ZNF224: variants seen among roughly 807,000 people sequenced by gnomAD.
ZNF224 encodes bone marrow zinc finger 2.
A neutral mutation model predicts 10.5 loss-of-function variants in ZNF224; 8 were observed. The ratio of observed to expected loss-of-function variants is 0.76; its 90% CI spans 0.45 to 1.37. ZNF224 has a LOEUF of 1.37. Ranked by LOEUF, ZNF224 falls within the 40% of genes most tolerant of loss-of-function variation. ZNF224 has a pLI of 0.00. For missense variants in ZNF224, 754 were observed against 854.0 expected, an observed-to-expected ratio of 0.88 and a Z score of 1.46; for synonymous variants, 282 against 287.8, an observed-to-expected ratio of 0.98 and a Z score of 0.20.
In ZNF224 at chr19:44,108,424, T is replaced by C. The variant is rs905054157; in HGVS notation, c.*140T>C. The stretch of plus-strand genomic sequence containing the variant: ...GAGTATTTTATCTCTGAATCCATGC[T>C]GGTGATAAATTTCACCCATTCTTGG... On this transcript the variant is annotated 3_prime_UTR_variant, in exon 6 of 6. Transcript: ENST00000693561. The C allele has an allele frequency of 8.8e-6, 8 of 908,532 alleles. No homozygotes were observed. The highest frequency in any genetic ancestry group is 1.1e-5 in the Non-Finnish European group (7 of 617,440). 56.3% of individuals were successfully genotyped at this position (908,532 alleles called of 1,614,324 possible).
intron 3 of ZNF224, among the ~76,000 whole-genome samples, chr19:44,099,655 C>T (rs1285228037): frequency 6.6e-6 from 1 of 151,972 alleles, no homozygotes; most frequent in Non-Finnish European, 1.5e-5. Flanking sequence ...GAGCTCAAGA[C>T]CATCCTGGGA....
chr19:44,107,098 A>T lies in ZNF224; in HGVS notation c.938A>T (p.Glu313Val). Reference protein sequence around the residue: ...LNRHSMVHTAEKPFRCDTCDK... With the variant: ...LNRHSMVHTAVKPFRCDTCDK... ...AGGCATTCCATGGTTCACACGGCAG[A>T]GAAACCATTCCGATGTGATACGTGT... Residue 313 changes from glutamate to valine, a missense_variant, in exon 6 of 6, where the codon GAG becomes GTG. Physicochemically the swap from Glu to Val is moderately radical, Grantham distance 121. Coordinates refer to ENST00000693561, the MANE Select transcript of ZNF224 (RefSeq NM_001321645.3). The T allele has an allele frequency of 6.2e-7, 1 of 1,603,080 alleles. No homozygotes were observed. The highest frequency in any genetic ancestry group is 1.7e-4 in the Middle Eastern group (1 of 5,990).
At chr19:44,098,823 C>A (rs1015433135) in intron 3 of ZNF224, among the ~76,000 whole-genome samples, 1 of 152,222 alleles carries the variant, frequency 6.6e-6, no homozygotes. Context: ...AGGTGATCCA[C>A]CTGCCTCGGC....
At chr19:44,098,739 A>C (rs1967491831) in intron 3 of ZNF224, among the ~76,000 whole-genome samples, 1 of 152,028 alleles carries the variant, frequency 6.6e-6, no homozygotes, top group African/African-American at 2.4e-5. Flanking sequence ...ATGCGTCACC[A>C]TGCCTAATTT....
rs1335569716 is a variant in ZNF224, at chr19:44,107,527, A to G, written c.1367A>G (p.Tyr456Cys). The stretch of plus-strand genomic sequence containing the variant: ...CGCGTCCATACAGGAGAGAAACTGT[A>G]TAATTGTAAGGAATGTGGGAAGAGC... The part of the protein sequence containing the change: ...HQRVHTGEKL[Y>C]NCKECGKSFS... The change falls in exon 6 of 6, where the codon TAT becomes TGT. Residue 456 changes from tyrosine (Y) to cysteine (C), a missense_variant. Physicochemically the swap from Tyr to Cys is radical, Grantham distance 194 (BLOSUM62 -2). Coordinates refer to ENST00000693561, the MANE Select transcript of ZNF224 (RefSeq NM_001321645.3). 9 of 1,611,210 alleles carry G rather than the reference A, an allele frequency of 5.6e-6. No homozygotes were observed. The highest frequency in any genetic ancestry group is 1.7e-4 in the Middle Eastern group (1 of 6,058).
At chr19:44,099,507 A>G (rs1423944445) in intron 3 of ZNF224, among the ~76,000 whole-genome samples, 1 of 152,208 alleles carries the variant, frequency 6.6e-6, no homozygotes, top group African/African-American at 2.4e-5. Context: ...GATGTCAATA[A>G]ATATTTGAAA....
intron 3 of ZNF224, among the ~76,000 whole-genome samples, chr19:44,099,174 G>C (rs906990648): frequency 6.6e-6 from 1 of 152,154 alleles, no homozygotes; most frequent in African/African-American, 2.4e-5. Context: ...ATGTCCACAG[G>C]TGGCATCGCT....
chr19:44,107,119 C>G lies in ZNF224; in HGVS notation c.959C>G (p.Thr320Arg). 6.2e-7 allele frequency: 1 copy of G among 1,604,528 alleles called. No individual in the cohort carries two copies. Among genetic ancestry groups the G allele is most frequent in the South Asian group, 1.1e-5 (1 of 89,632 alleles). ...GCAGAGAAACCATTCCGATGTGATACGTGTGATAAGAGCTTTCGTCAGAGA... is the reference window on the plus strand; with the variant it reads ...GCAGAGAAACCATTCCGATGTGATAGGTGTGATAAGAGCTTTCGTCAGAGA... ...HTAEKPFRCD[T>R]CDKSFRQRSA... Residue 320 changes from threonine (T) to arginine (R), a missense_variant, in exon 6 of 6, where the codon ACG (threonine) becomes AGG (arginine). Thr to Arg is a moderately conservative substitution (Grantham distance 71). Coordinates refer to ENST00000693561, the MANE Select transcript of ZNF224 (RefSeq NM_001321645.3).
chr19:44,104,020 A>G (rs1405025066), intron 5 of ZNF224, among the ~76,000 whole-genome samples: 1 of 152,044 alleles, frequency 6.6e-6, no homozygotes, highest in Non-Finnish European at 1.5e-5. Flanking sequence ...ATGAGAGTCT[A>G]ATATCCCCAC....
chr19:44,101,513 C>G (rs904644639), intron 5 of ZNF224, among the ~76,000 whole-genome samples: 4 of 152,154 alleles, frequency 2.6e-5, no homozygotes, highest in African/African-American at 9.7e-5. Context: ...CTTTTAGAGA[C>G]CCTGTGATCT....
chr19:44,107,679 A>C lies in ZNF224; in HGVS notation c.1519A>C (p.Thr507Pro). 1 of 1,614,194 alleles carries C rather than the reference A, an allele frequency of 6.2e-7. No individual in the cohort carries two copies. The highest frequency in any genetic ancestry group is 1.1e-5 in the South Asian group (1 of 91,082). ...SHLHSHQRVH[T>P]GEKPYKCEKC... is the part of the protein sequence containing the mutation. Reference sequence around the variant, plus strand: ...TCTTCATTCCCATCAGAGAGTTCACACTGGAGAAAAGCCATACAAATGTGA... The same window carrying C: ...TCTTCATTCCCATCAGAGAGTTCACCCTGGAGAAAAGCCATACAAATGTGA... Residue 507 changes from threonine to proline, a missense_variant, in exon 6 of 6, where the codon ACT (threonine) becomes CCT (proline). By Grantham distance (38) the Thr-to-Pro change is conservative. Transcript: ENST00000693561.
Position 44,108,371 on chromosome 19 carries a change from A to T in ZNF224, c.*87A>T, listed in dbSNP as rs1177137341. The T allele has an allele frequency of 2.2e-6, 3 of 1,342,166 alleles. No individual in the cohort carries two copies. In the African/African-American group the frequency reaches 4.4e-5, roughly 20 times the overall value. The allele number at this position is 1,342,166 out of a possible 1,614,324, so 83.1% of individuals were successfully genotyped here. On this transcript the variant is annotated 3_prime_UTR_variant, in exon 6 of 6. Coordinates refer to ENST00000693561, the MANE Select transcript of ZNF224 (RefSeq NM_001321645.3). ...TCACAAAGGAGAGACACATTAAAAT[A>T]TGAGGCACATAGTAAGCACTTCCCT... is the stretch of plus-strand genomic sequence containing the variant.
rs759250674 is a variant in ZNF224 at position 44,097,836 on chromosome 19, A to T, written c.-38A>T. 30 of 1,613,434 alleles carry T rather than the reference A, an allele frequency of 1.9e-5. No individual in the cohort carries two copies. The highest frequency in any genetic ancestry group is 1.5e-4 in the Admixed American group (9 of 59,928). ...ATTCTGCTTTCCCAGGAACTGCATCACTCAGGACTCTGCAAGTTTCCAGAA... is the reference window on the plus strand; with the variant it reads ...ATTCTGCTTTCCCAGGAACTGCATCTCTCAGGACTCTGCAAGTTTCCAGAA... On this transcript the variant is annotated 5_prime_UTR_variant, in exon 3 of 6. Coordinates refer to ENST00000693561, the MANE Select transcript of ZNF224 (RefSeq NM_001321645.3).
intron 5 of ZNF224, among the ~76,000 whole-genome samples, chr19:44,104,954 G>A (rs143655186): frequency 1.2e-4 from 18 of 152,290 alleles, no homozygotes; most frequent in East Asian, 7.7e-4. Flanking sequence ...GAGCCACCGC[G>A]CCCAGCCGAG....
At chr19:44,103,515 A>G (rs1967587584) in intron 5 of ZNF224, among the ~76,000 whole-genome samples, 1 of 152,148 alleles carries the variant, frequency 6.6e-6, no homozygotes, top group Admixed American at 6.5e-5. Flanking sequence ...ATGAAATGAT[A>G]CCTTTCTTGC....
chr19:44,101,045 G>A, intron 4 of ZNF224, 88 bp from the exon 5 acceptor site: 1 of 1,610,194 alleles, frequency 6.2e-7, no homozygotes, highest in Non-Finnish European at 8.5e-7. Flanking sequence ...GTTTGAGTGT[G>A]CAGTAAGAAC....
Position 44,108,386 on chromosome 19 carries a change from A to G in ZNF224, c.*102A>G, listed in dbSNP as rs1271962965. The stretch of plus-strand genomic sequence containing the variant: ...ACATTAAAATATGAGGCACATAGTA[A>G]GCACTTCCCTTTGAGTATTTTATCT... On this transcript the variant is annotated 3_prime_UTR_variant, in exon 6 of 6. Coordinates refer to ENST00000693561, the MANE Select transcript of ZNF224 (RefSeq NM_001321645.3). The G allele has an allele frequency of 8.3e-7, 1 of 1,201,986 alleles. No homozygotes were observed. The highest frequency in any genetic ancestry group is 1.6e-5 in the South Asian group (1 of 64,284). 74.5% of individuals were successfully genotyped at this position (1,201,986 alleles called of 1,614,324 possible).
Position 44,108,517 on chromosome 19 carries a change from T to C in ZNF224, c.*233T>C, listed in dbSNP as rs1967754729. The C allele has an allele frequency of 1.9e-6, 1 of 539,506 alleles. No individual in the cohort carries two copies. The highest frequency in any genetic ancestry group is 3.3e-6 in the Non-Finnish European group (1 of 299,440). The allele number at this position is 539,506 out of a possible 1,614,324, so 33.4% of individuals were successfully genotyped here. A position where few individuals can be genotyped will look rare whatever the true frequency, so the allele number is the denominator to read the frequency against. On this transcript the variant is annotated 3_prime_UTR_variant, in exon 6 of 6. Coordinates refer to ENST00000693561, the MANE Select transcript of ZNF224 (RefSeq NM_001321645.3). ...CATAGCTCAGCATGCCCCAGTAGTCTCAGGACCACCATAATGGAGAATCCT... is the reference window on the plus strand; with the variant it reads ...CATAGCTCAGCATGCCCCAGTAGTCCCAGGACCACCATAATGGAGAATCCT...
Position 44,107,290 on chromosome 19 carries a change from G to A in ZNF224, c.1130G>A (p.Cys377Tyr). The A allele has an allele frequency of 6.3e-7, 1 of 1,586,070 alleles. No homozygotes were observed. The highest frequency in any genetic ancestry group is 8.6e-7 in the Non-Finnish European group (1 of 1,166,812). Residue 377 changes from cysteine to tyrosine, a missense_variant, in exon 6 of 6, where the codon TGT (cysteine) becomes TAT (tyrosine). Coordinates refer to ENST00000693561, the MANE Select transcript of ZNF224 (RefSeq NM_001321645.3). ...GAAAAGCCATATAATTGTAAAGAGT[G>A]TGGGAAGAGCTTCAGATGGGCCTCG... ...TGEKPYNCKE[C>Y]GKSFRWASCL...
Sources: gnomAD v4.1 joint callset for allele counts (sites outside exome capture counted in the v4.1 genomes callset) on GRCh38, gnomAD v4.1.1 for gene constraint, MANE v1.5 for transcripts, NCBI Gene and HGNC (gene_info 2026-07-23, HGNC 2026-07-21) for gene names.